Variants in CRPPA observed in about 807,000 individuals in gnomAD.
The protein encoded by CRPPA is CDP-L-ribitol pyrophosphorylase A, also known as D-ribitol-5-phosphate cytidylyltransferase.
In CRPPA, 43 loss-of-function variants were observed where a neutral mutation model predicts 52.0. That is an observed-to-expected ratio of 0.83 (90% CI 0.65 to 1.07). The LOEUF (loss-of-function observed/expected upper bound fraction) is 1.07, where lower values mean the gene tolerates loss of function less well. CRPPA is among the 50% of genes least tolerant of loss of function. The pLI is 0.00. For synonymous variants in CRPPA, 250 were observed against 203.5 expected (o/e 1.23, Z -1.94); for missense variants, 629 against 551.7 (o/e 1.14, Z -1.40).
chr7:16,141,460 G>A (rs1046627126), intron 9 of CRPPA, among the ~76,000 whole-genome samples: 15 of 152,160 alleles, frequency 9.9e-5, no homozygotes, highest in East Asian at 7.7e-4. Flanking sequence ...CAGAAATTTT[G>A]ATTTAGTGTT....
chr7:16,342,776 A>C (rs374637406), intron 3 of CRPPA, among the ~76,000 whole-genome samples: 1 of 55,630 alleles, frequency 1.8e-5, no homozygotes, highest in Non-Finnish European at 3.7e-5. Context: ...AAAAAAAAAA[A>C]AAAAAAATAT....
chr7:16,209,273 C>CTTTTTTTTTTTTT (rs34795937), intron 9 of CRPPA: 23 of 123,080 alleles, frequency 1.9e-4, no homozygotes, highest in Non-Finnish European at 2.9e-4. Context: ...TTCTAAGTGT[C>CTTTTTTTTTTTTT]TTTTTTTTTT....
chr7:16,342,869 A>G (rs980794861), intron 3 of CRPPA, among the ~76,000 whole-genome samples: 1 of 148,568 alleles, frequency 6.7e-6, no homozygotes, highest in African/African-American at 2.4e-5. Flanking sequence ...ATATATAGAG[A>G]TATATATACA....
chr7:16,287,457 G>A (rs1784474435), intron 5 of CRPPA, among the ~76,000 whole-genome samples: 1 of 152,160 alleles, frequency 6.6e-6, no homozygotes, highest in African/African-American at 2.4e-5. Flanking sequence ...CTAGGATCAT[G>A]AGTAACACAC....
chr7:16,254,137 G>A (rs1447756154), intron 8 of CRPPA, among the ~76,000 whole-genome samples: 1 of 152,144 alleles, frequency 6.6e-6, no homozygotes, highest in East Asian at 1.9e-4. Context: ...TACACTGTTG[G>A]TGGGACTGTA....
At chr7:16,400,205 T>A (rs1161706122) in intron 2 of CRPPA, among the ~76,000 whole-genome samples, 1 of 151,998 alleles carries the variant, frequency 6.6e-6, no homozygotes, top group Non-Finnish European at 1.5e-5. Context: ...TGAAACATGG[T>A]TGGCATGTGT....
At chr7:16,199,249 T>G (rs1035772921) in intron 9 of CRPPA, among the ~76,000 whole-genome samples, 1 of 152,146 alleles carries the variant, frequency 6.6e-6, no homozygotes, top group Admixed American at 6.5e-5. Flanking sequence ...CCCTTAAAAA[T>G]GATCAGTCAC....
chr7:16,180,553 C>G (rs1158408178), intron 9 of CRPPA, among the ~76,000 whole-genome samples: 1 of 151,928 alleles, frequency 6.6e-6, no homozygotes, highest in Non-Finnish European at 1.5e-5. Flanking sequence ...TCATTACATG[C>G]GCATGTGGCA....
chr7:16,127,013 T>C (rs1215467770), intron 9 of CRPPA, among the ~76,000 whole-genome samples: 1 of 152,162 alleles, frequency 6.6e-6, no homozygotes. Flanking sequence ...AAGTAAAAGT[T>C]GTAATAATAT....
chr7:16,261,967 C>T (rs946352841), intron 6 of CRPPA: 2 of 151,926 alleles, frequency 1.3e-5, no homozygotes, highest in African/African-American at 2.4e-5. Flanking sequence ...GTAGATAATC[C>T]TCCATTATAT....
At chr7:16,372,613 G>T (rs976658637) in intron 3 of CRPPA, among the ~76,000 whole-genome samples, 2 of 151,956 alleles carry the variant, frequency 1.3e-5, no homozygotes, top group Non-Finnish European at 2.9e-5. Context: ...ACCTCACAGG[G>T]TCTATAAAAC....
In CRPPA at chr7:16,249,204, C is replaced by G. The variant is rs991283580; in HGVS notation, c.1119+9186G>C. Among the ~76,000 whole-genome samples the G allele has an allele frequency of 2.0e-4, 31 of 152,166 alleles. 1 individual carries two copies. Among genetic ancestry groups the G allele is most frequent in the Admixed American group, 1.3e-4 (2 of 15,286 alleles). Reference sequence around the variant, plus strand: ...TTCCACCTCTCTGGGCAGGGCATCTCTGAACAAAAGGCAGCAGCCCCAGTC... The same window carrying G: ...TTCCACCTCTCTGGGCAGGGCATCTGTGAACAAAAGGCAGCAGCCCCAGTC... On this transcript the variant is annotated intron_variant, in intron 8 of 9. Transcript: ENST00000407010.
At chr7:16,297,715 C>A (rs1383584167) in intron 5 of CRPPA, among the ~76,000 whole-genome samples, 1 of 152,214 alleles carries the variant, frequency 6.6e-6, no homozygotes, top group Non-Finnish European at 1.5e-5. Context: ...CTTAGAAGCT[C>A]TATAGCCTTT....
chr7:16,172,327 T>A (rs574333601), intron 9 of CRPPA, among the ~76,000 whole-genome samples: 2 of 152,052 alleles, frequency 1.3e-5, no homozygotes, highest in Non-Finnish European at 2.9e-5. Flanking sequence ...GTGGGCTCCA[T>A]CCTCACAGCA....
intron 4 of CRPPA, 38 bp from the exon 5 acceptor site, chr7:16,301,504 A>G: frequency 1.3e-6 from 2 of 1,516,658 alleles, no homozygotes; most frequent in Non-Finnish European, 1.8e-6. Context: ...TTAACAGAGC[A>G]GGAAGGAATG....
chr7:16,201,467 T>G (rs536382775), intron 9 of CRPPA, among the ~76,000 whole-genome samples: 29 of 152,206 alleles, frequency 1.9e-4, no homozygotes, highest in African/African-American at 7.0e-4. Context: ...TGGCACACAT[T>G]CCCCTATTCT....
chr7:16,394,319 T>A (rs2128315351), intron 2 of CRPPA, among the ~76,000 whole-genome samples: 1 of 152,320 alleles, frequency 6.6e-6, no homozygotes, highest in Middle Eastern at 3.4e-3. Context: ...CTTATATGAA[T>A]ACATTTCCCC....
At chr7:16,189,708 G>A (rs137884042) in intron 9 of CRPPA, among the ~76,000 whole-genome samples, 4 of 152,288 alleles carry the variant, frequency 2.6e-5, no homozygotes, top group Non-Finnish European at 4.4e-5. Context: ...CATTGTGAAT[G>A]TGTATTTAGT....
At chr7:16,101,818 G>T (rs1274900016) in intron 9 of CRPPA, among the ~76,000 whole-genome samples, 1 of 151,982 alleles carries the variant, frequency 6.6e-6, no homozygotes, top group Non-Finnish European at 1.5e-5. Context: ...GACACAAACA[G>T]ATGAAAAAAC....
Sources: allele counts gnomAD v4.1 joint callset (sites outside exome capture counted in the v4.1 genomes callset), GRCh38; gene constraint gnomAD v4.1.1; transcripts MANE v1.5; gene names NCBI Gene and HGNC (gene_info 2026-07-23, HGNC 2026-07-21).